Variants in CYRIA observed in about 807,000 individuals in gnomAD.
The protein encoded by CYRIA is CYFIP-related Rac1 interactor A.
CYRIA carries 15 observed loss-of-function variants against 43.9 expected under a neutral mutation model. The observed-to-expected ratio is 0.34, with a 90% CI of 0.23 to 0.53. The LOEUF (loss-of-function observed/expected upper bound fraction) is 0.53. Ranked by LOEUF, CYRIA falls within the 20% of genes least tolerant of loss-of-function variation. The pLI, the probability that CYRIA is intolerant of heterozygous loss-of-function variation, is 0.94. For missense variants in CYRIA, 236 were observed against 394.2 expected (o/e 0.60, Z 3.40); for synonymous variants, 117 against 136.0 (o/e 0.86, Z 0.97).
chr2:16,624,554 C>CA (rs1669097599), intron 1 of CYRIA, among the ~76,000 whole-genome samples: 1 of 152,142 alleles, frequency 6.6e-6, no homozygotes, highest in South Asian at 2.1e-4. Context: ...AACACAGTGA[C>CA]ACAGTGGGGA....
intron 3 of CYRIA, among the ~76,000 whole-genome samples, chr2:16,573,009 T>C (rs1301086348): frequency 1.3e-5 from 2 of 152,182 alleles, no homozygotes; most frequent in Admixed American, 6.5e-5. Flanking sequence ...AATGTCCCTA[T>C]ATTTATGTGC....
intron 10 of CYRIA, among the ~76,000 whole-genome samples, chr2:16,558,048 G>T (rs535099527): frequency 6.6e-6 from 1 of 151,964 alleles, no homozygotes; most frequent in African/African-American, 2.4e-5. Flanking sequence ...CGTAAAGCAG[G>T]GTACTAATTT....
At chr2:16,632,779 G>A (rs536665741) in intron 1 of CYRIA, among the ~76,000 whole-genome samples, 9 of 152,126 alleles carry the variant, frequency 5.9e-5, no homozygotes, top group Non-Finnish European at 1.3e-4. Flanking sequence ...GTCATCCCTG[G>A]CCTCGGCAGA....
chr2:16,571,554 A>C (rs1292979062), intron 3 of CYRIA, among the ~76,000 whole-genome samples: 4 of 152,218 alleles, frequency 2.6e-5, no homozygotes, highest in African/African-American at 9.6e-5. Context: ...TTTCCTAACA[A>C]CCCGTTTAGG....
intron 10 of CYRIA, among the ~76,000 whole-genome samples, chr2:16,555,383 G>T (rs1666469242): frequency 6.6e-6 from 1 of 151,920 alleles, no homozygotes; most frequent in African/African-American, 2.4e-5. Context: ...CATTTCACTT[G>T]CCTGGCTTTA....
chr2:16,590,946 A>G (rs1168497615), intron 2 of CYRIA, among the ~76,000 whole-genome samples: 1 of 152,138 alleles, frequency 6.6e-6, no homozygotes, highest in East Asian at 1.9e-4. Context: ...GAATTGGTCC[A>G]TCATCACACA....
chr2:16,633,234 C>A (rs897749750), intron 1 of CYRIA, among the ~76,000 whole-genome samples: 1 of 152,154 alleles, frequency 6.6e-6, no homozygotes, highest in African/African-American at 2.4e-5. Flanking sequence ...TTTCACCCCC[C>A]ACCCTGTCTA....
chr2:16,572,877 C>G (rs1299054873), intron 3 of CYRIA, among the ~76,000 whole-genome samples: 1 of 152,178 alleles, frequency 6.6e-6, no homozygotes, highest in Non-Finnish European at 1.5e-5. Context: ...TAGCATATCA[C>G]TTACTCTCTG....
intron 3 of CYRIA, among the ~76,000 whole-genome samples, chr2:16,565,979 T>C (rs1449770077): frequency 6.6e-6 from 1 of 152,198 alleles, no homozygotes; most frequent in African/African-American, 2.4e-5. Context: ...AATGATCTTT[T>C]TATAGTCATA....
chr2:16,656,842 C>G (rs577186910), intron 1 of CYRIA, among the ~76,000 whole-genome samples: 13 of 152,312 alleles, frequency 8.5e-5, no homozygotes, highest in African/African-American at 3.1e-4. Context: ...ACCTCGTGAG[C>G]GTCAGTGGCG....
chr2:16,632,304 C>A (rs1448502668), intron 1 of CYRIA, among the ~76,000 whole-genome samples: 1 of 152,206 alleles, frequency 6.6e-6, no homozygotes, highest in Admixed American at 6.5e-5. Context: ...TCTTATCAGG[C>A]AAACCTCTGC....
chr2:16,555,015 A>G, intron 11 of CYRIA, 54 bp downstream of exon 11: 2 of 1,437,610 alleles, frequency 1.4e-6, no homozygotes, highest in South Asian at 1.2e-5. Flanking sequence ...TAAATTTGCA[A>G]TGGCCCTGAA....
chr2:16,567,584 C>T (rs769620433), intron 3 of CYRIA, among the ~76,000 whole-genome samples: 11 of 152,044 alleles, frequency 7.2e-5, no homozygotes, highest in African/African-American at 7.2e-5. Flanking sequence ...TCTCCATGAC[C>T]GGAGCCCATG....
intron 2 of CYRIA, among the ~76,000 whole-genome samples, chr2:16,606,023 T>C (rs1222849052): frequency 1.3e-5 from 2 of 152,120 alleles, no homozygotes; most frequent in Non-Finnish European, 2.9e-5. Flanking sequence ...TCATTCTCCC[T>C]GGTGTGACCC....
chr2:16,593,925 T>G (rs1223078313), intron 2 of CYRIA, among the ~76,000 whole-genome samples: 1 of 126,350 alleles, frequency 7.9e-6, no homozygotes, highest in Non-Finnish European at 1.6e-5. Flanking sequence ...CCCCTTCCTG[T>G]GTCCATGTGA....
intron 3 of CYRIA, among the ~76,000 whole-genome samples, chr2:16,576,294 A>C (rs1667346051): frequency 6.6e-6 from 1 of 152,230 alleles, no homozygotes. Context: ...TTAATAAAAT[A>C]AGACTGACAT....
At position 16,583,962 on chromosome 2, in the gene CYRIA, T is replaced by A. The variant is rs551705301; in HGVS notation, c.70+4088A>T. On this transcript the variant is annotated intron_variant, in intron 3 of 11. Transcript: ENST00000381323. ...GTATTGTTTTGACCCAGCTTAATTA[T>A]ATCTGTCTGACCCAGTTCAATTATA... is the stretch of plus-strand genomic sequence containing the variant. 1.1e-4 allele frequency among the ~76,000 whole-genome samples: 17 copies of A among 152,344 alleles called. No homozygotes were observed. The South Asian group carries it at 3.1e-3, about 28-fold the overall frequency.
chr2:16,615,091 T>C (rs1668734448), intron 2 of CYRIA, among the ~76,000 whole-genome samples: 1 of 152,258 alleles, frequency 6.6e-6, no homozygotes, highest in South Asian at 2.1e-4. Flanking sequence ...TTATTGTTTT[T>C]TCTTTGAGTT....
chr2:16,616,711 T>C (rs192770817), intron 2 of CYRIA, among the ~76,000 whole-genome samples: 1 of 152,338 alleles, frequency 6.6e-6, no homozygotes, highest in East Asian at 1.9e-4. Flanking sequence ...TAATAGAAAA[T>C]TCAACCGAGG....
Sources: allele counts gnomAD v4.1 joint callset (sites outside exome capture counted in the v4.1 genomes callset), GRCh38; gene constraint gnomAD v4.1.1; transcripts MANE v1.5; gene names NCBI Gene and HGNC (gene_info 2026-07-23, HGNC 2026-07-21).